OTUD1: variants seen among roughly 807,000 people sequenced by gnomAD.
OTUD1 encodes the protein OTU deubiquitinase 1, also known as OTU domain-containing protein 1.
OTUD1 carries 15 observed loss-of-function variants against 30.0 expected under a neutral mutation model. The ratio of observed to expected loss-of-function variants is 0.50; its 90% CI spans 0.33 to 0.77. OTUD1 has a LOEUF of 0.77. Ranked by LOEUF, OTUD1 falls within the 30% of genes least tolerant of loss-of-function variation. The probability of loss-of-function intolerance (pLI) is 0.02; values close to 1 mark genes in which losing one functional copy is unlikely to be tolerated. For synonymous variants in OTUD1, 381 were observed against 326.3 expected (o/e 1.17, Z -1.81); for missense variants, 796 against 697.8 (o/e 1.14, Z -1.59).
chr10:23,440,045 C>T lies in OTUD1; in HGVS notation c.588C>T (p.Ser196=), dbSNP rs1409176791. The T allele has an allele frequency of 6.9e-7, 1 of 1,452,294 alleles. No individual in the cohort carries two copies. The allele number at this position is 1,452,294 out of a possible 1,614,324, so 90.0% of individuals were successfully genotyped here. A position where few individuals can be genotyped will look rare whatever the true frequency, so the allele number is the denominator to read the frequency against. ...GGCCCGATCGGAACTTCCGACTGAGCGAGCACCGCCAGGCCCTGGCCGCCG... is the reference window on the plus strand; with the variant it reads ...GGCCCGATCGGAACTTCCGACTGAGTGAGCACCGCCAGGCCCTGGCCGCCG... The part of the protein sequence containing the change: ...REGPDRNFRL[S]EHRQALAAAK... The change falls in exon 1 of 1, where the codon AGC becomes AGT. Residue 196 remains serine (S), a synonymous_variant. Transcript: ENST00000376495.
rs1453770684 is a variant in OTUD1, at chr10:23,440,543, G to T, written c.1086G>T (p.Val362=). The T allele has an allele frequency of 2.6e-6, 4 of 1,551,716 alleles. No individual in the cohort carries two copies. Among genetic ancestry groups the T allele is most frequent in the Non-Finnish European group, 3.5e-6 (4 of 1,147,012 alleles). Residue 362 remains valine, a synonymous_variant, in exon 1 of 1, where the codon GTG becomes GTT. Transcript: ENST00000376495. Reference sequence around the variant, plus strand: ...TCAGCCCCCTGATTGAGGGCGACGTGGGGGAGTTTATCATCGCTGCTGCCC... The same window carrying T: ...TCAGCCCCCTGATTGAGGGCGACGTTGGGGAGTTTATCATCGCTGCTGCCC... ...DHFSPLIEGD[V]GEFIIAAAQD...
At position 23,441,063 on chromosome 10, in the gene OTUD1, T is replaced by C. The variant is rs1172689230; in HGVS notation, c.*160T>C. 1.3e-6 allele frequency: 1 copy of C among 779,514 alleles called. No individual in the cohort carries two copies. Among genetic ancestry groups the C allele is most frequent in the Admixed American group, 3.1e-5 (1 of 32,438 alleles). The allele number at this position is 779,514 out of a possible 1,614,324, so 48.3% of individuals were successfully genotyped here. A position where few individuals can be genotyped will look rare whatever the true frequency, so the allele number is the denominator to read the frequency against. The stretch of plus-strand genomic sequence containing the variant: ...ATCTTTTTGAATGTTTTCTCAGAGC[T>C]GGAGGTTGCTGGGCACCTAAATGAT... On this transcript the variant is annotated 3_prime_UTR_variant, in exon 1 of 1. Transcript: ENST00000376495.
rs376401131 is a variant in OTUD1, at chr10:23,440,943, A to T, written c.*40A>T. On this transcript the variant is annotated 3_prime_UTR_variant, in exon 1 of 1. Transcript: ENST00000376495. ...TTACACCCTGGGAATAATTGCATAT[A>T]TAACTTGTGTTTGGAGAATCACATG... is the stretch of plus-strand genomic sequence containing the variant. 2.0e-6 allele frequency: 3 copies of T among 1,510,884 alleles called. No individual in the cohort carries two copies. Among genetic ancestry groups the T allele is most frequent in the Non-Finnish European group, 8.9e-7 (1 of 1,126,606 alleles). The allele number at this position is 1,510,884 out of a possible 1,614,324, so 93.6% of individuals were successfully genotyped here.
At position 23,440,115 on chromosome 10, in the gene OTUD1, G is replaced by A; in HGVS notation, c.658G>A (p.Gly220Ser). 1 of 1,421,118 alleles carries A rather than the reference G, an allele frequency of 7.0e-7. No individual in the cohort carries two copies. The highest frequency in any genetic ancestry group is 1.5e-5 in the South Asian group (1 of 66,224). 88.0% of individuals were successfully genotyped at this position (1,421,118 alleles called of 1,614,324 possible). A position where few individuals can be genotyped will look rare whatever the true frequency, so the allele number is the denominator to read the frequency against. The change falls in exon 1 of 1, where the codon GGC becomes AGC. Residue 220 changes from glycine (G) to serine (S), a missense_variant. By Grantham distance (56) the Gly-to-Ser change is moderately conservative. Coordinates refer to ENST00000376495, the MANE Select transcript of OTUD1 (RefSeq NM_001145373.3). The part of the protein sequence containing the change: ...PAATPGSPDP[G>S]PGPWGEEHLA... ...GGCGACCCCGGGGAGCCCCGATCCC[G>A]GCCCCGGTCCGTGGGGCGAAGAGCA...
Position 23,439,381 on chromosome 10 carries a change from C to T in OTUD1, c.-77C>T. 3.4e-6 allele frequency: 4 copies of T among 1,188,130 alleles called. No homozygotes were observed. In the South Asian group the frequency reaches 1.0e-4, roughly 30 times the overall value. The allele number at this position is 1,188,130 out of a possible 1,614,324, so 73.6% of individuals were successfully genotyped here. A position where few individuals can be genotyped will look rare whatever the true frequency, so the allele number is the denominator to read the frequency against. ...TGGGTCACCGCGCTCCGCCGGCCCCCTCCCCCGGGCCCGGAGGGTGTGTCC... is the reference window on the plus strand; with the variant it reads ...TGGGTCACCGCGCTCCGCCGGCCCCTTCCCCCGGGCCCGGAGGGTGTGTCC... On this transcript the variant is annotated 5_prime_UTR_variant, in exon 1 of 1. Coordinates refer to ENST00000376495, the MANE Select transcript of OTUD1 (RefSeq NM_001145373.3).
In OTUD1 at chr10:23,440,747, A is replaced by G. The variant is rs1847118679; in HGVS notation, c.1290A>G (p.Gly430=). Residue 430 remains glycine, a synonymous_variant, in exon 1 of 1, where the codon GGA becomes GGG. Transcript: ENST00000376495. ...TTTGGCTCAGTTGGCTCAGTAACGG[A>G]CACTATGATGCTGTATTTGATCACT... ...PSIWLSWLSN[G]HYDAVFDHSY... 3 of 1,551,970 alleles carry G rather than the reference A, an allele frequency of 1.9e-6. No individual in the cohort carries two copies. Among genetic ancestry groups the G allele is most frequent in the South Asian group, 2.4e-5 (2 of 84,074 alleles).
In OTUD1 at chr10:23,439,474, G is replaced by C. The variant is rs1249911477; in HGVS notation, c.17G>C (p.Ser6Thr). The C allele has an allele frequency of 4.4e-6, 6 of 1,361,516 alleles. No homozygotes were observed. The highest frequency in any genetic ancestry group is 4.7e-6 in the Non-Finnish European group (5 of 1,058,262). 84.3% of individuals were successfully genotyped at this position (1,361,516 alleles called of 1,614,324 possible). A position where few individuals can be genotyped will look rare whatever the true frequency, so the allele number is the denominator to read the frequency against. ...GGCAGGGACATGCAGCTCTACAGCAGCGTCTGCACCCACTACCCCGCCGGG... is the reference window on the plus strand; with the variant it reads ...GGCAGGGACATGCAGCTCTACAGCACCGTCTGCACCCACTACCCCGCCGGG... MQLYS[S>T]VCTHYPAGAP... The change falls in exon 1 of 1, where the codon AGC (serine) becomes ACC (threonine). Residue 6 changes from serine to threonine, a missense_variant. Coordinates refer to ENST00000376495, the MANE Select transcript of OTUD1 (RefSeq NM_001145373.3).
rs1462554823 is a variant in OTUD1, at chr10:23,439,097, C to G, written c.-361C>G. ...GGCCTCCGCGCGCACCGCGCTCCTC[C>G]TCGCCGGCGGGACGCGCTCCAACGG... is the stretch of plus-strand genomic sequence containing the variant. On this transcript the variant is annotated 5_prime_UTR_variant, in exon 1 of 1. Coordinates refer to ENST00000376495, the MANE Select transcript of OTUD1 (RefSeq NM_001145373.3). Among the ~76,000 whole-genome samples, 1 of 150,660 alleles carries G rather than the reference C, an allele frequency of 6.6e-6. No homozygotes were observed. The highest frequency in any genetic ancestry group is 1.5e-5 in the Non-Finnish European group (1 of 67,440).
rs1437767578 is a variant in OTUD1 at position 23,442,307 on chromosome 10, C to T, written c.*1404C>T. On this transcript the variant is annotated 3_prime_UTR_variant, in exon 1 of 1. Transcript: ENST00000376495. ...AATAGAGAGGTTTCCTAAATTATCA[C>T]ATGAAGAGGATAGGCTAATCATGAG... 2 of 167,022 alleles carry T rather than the reference C, an allele frequency of 1.2e-5. No individual in the cohort carries two copies. Among genetic ancestry groups the T allele is most frequent in the East Asian group, 3.9e-4 (2 of 5,170 alleles). The allele number at this position is 167,022 out of a possible 1,614,324, so 10.3% of individuals were successfully genotyped here.
chr10:23,440,873 A>G lies in OTUD1; in HGVS notation c.1416A>G (p.Lys472=). The change falls in exon 1 of 1, where the codon AAA becomes AAG. Residue 472 remains lysine (K), a synonymous_variant. Transcript: ENST00000376495. ...AATCTATGGCCATATCCTTGTCTAA[A>G]ATGTATATTGAACAAAATGCATGCT... ...LAKSMAISLS[K]MYIEQNACS is the part of the protein sequence containing the mutation. 7.7e-6 allele frequency: 12 copies of G among 1,551,744 alleles called. No homozygotes were observed. Among genetic ancestry groups the G allele is most frequent in the Non-Finnish European group, 9.6e-6 (11 of 1,146,948 alleles).
Position 23,440,699 on chromosome 10 carries a change from A to G in OTUD1, c.1242A>G (p.Pro414=), listed in dbSNP as rs1459430373. The G allele has an allele frequency of 6.4e-7, 1 of 1,551,888 alleles. No individual in the cohort carries two copies. The change falls in exon 1 of 1, where the codon CCA becomes CCG. Residue 414 remains proline, a synonymous_variant. Transcript: ENST00000376495. ...CTACCATGATTCATTATTTGGGCCC[A>G]GAGGATTCCCTGAGGCCTAGTATTT... is the stretch of plus-strand genomic sequence containing the variant. ...TVSTMIHYLG[P]EDSLRPSIWL...
Position 23,439,673 on chromosome 10 carries a change from GC to G in OTUD1, c.219del (p.Ala74ProfsTer122). ...EAAAVPAAKMPAFSSCFEVVS... is the reference protein window; with the variant it reads ...EAAAVPAAKMXAFSSCFEVVS... Reference sequence around the variant, plus strand: ...CCGCCGCTGTCCCCGCCGCCAAGATGCCCGCCTTCTCCTCCTGCTTCGAGGT... The same window carrying G: ...CCGCCGCTGTCCCCGCCGCCAAGATGCCGCCTTCTCCTCCTGCTTCGAGGT... On this transcript the variant is annotated frameshift_variant, in exon 1 of 1. Coordinates refer to ENST00000376495, the MANE Select transcript of OTUD1 (RefSeq NM_001145373.3). LOFTEE classifies it high-confidence loss of function. 2 of 1,293,202 alleles carry G rather than the reference GC, an allele frequency of 1.5e-6. No homozygotes were observed. Among genetic ancestry groups the G allele is most frequent in the African/African-American group, 1.6e-5 (1 of 63,014 alleles). The allele number at this position is 1,293,202 out of a possible 1,614,324, so 80.1% of individuals were successfully genotyped here. A position where few individuals can be genotyped will look rare whatever the true frequency, so the allele number is the denominator to read the frequency against.
rs1394774815 is a variant in OTUD1 at position 23,440,339 on chromosome 10, G to C, written c.882G>C (p.Leu294=). Residue 294 remains leucine (L), a synonymous_variant, in exon 1 of 1, where the codon CTG becomes CTC. Coordinates refer to ENST00000376495, the MANE Select transcript of OTUD1 (RefSeq NM_001145373.3). ...DPRDEKLALY[L]AEVEKQDKYL... is the part of the protein sequence containing the mutation. ...GAGACGAGAAGCTGGCCCTATACCT[G>C]GCCGAGGTGGAGAAGCAGGACAAGT... 6.4e-6 allele frequency: 10 copies of C among 1,551,360 alleles called. No homozygotes were observed. The highest frequency in any genetic ancestry group is 8.7e-6 in the Non-Finnish European group (10 of 1,146,902).
chr10:23,439,634 C>T lies in OTUD1; in HGVS notation c.177C>T (p.Ala59=). ...ETGECQPAAA[A]EHREAAAVPA... ...GTGAGTGCCAGCCCGCCGCGGCCGCCGAGCACCGGGAAGCCGCCGCTGTCC... is the reference window on the plus strand; with the variant it reads ...GTGAGTGCCAGCCCGCCGCGGCCGCTGAGCACCGGGAAGCCGCCGCTGTCC... Residue 59 remains alanine (A), a synonymous_variant, in exon 1 of 1, where the codon GCC becomes GCT. Transcript: ENST00000376495. 1 of 1,296,922 alleles carries T rather than the reference C, an allele frequency of 7.7e-7. No individual in the cohort carries two copies. Among genetic ancestry groups the T allele is most frequent in the South Asian group, 1.9e-5 (1 of 52,460 alleles). 80.3% of individuals were successfully genotyped at this position (1,296,922 alleles called of 1,614,324 possible).
At position 23,439,382 on chromosome 10, in the gene OTUD1, T is replaced by A; in HGVS notation, c.-76T>A. On this transcript the variant is annotated 5_prime_UTR_variant, in exon 1 of 1. Coordinates refer to ENST00000376495, the MANE Select transcript of OTUD1 (RefSeq NM_001145373.3). ...GGGTCACCGCGCTCCGCCGGCCCCCTCCCCCGGGCCCGGAGGGTGTGTCCC... is the reference window on the plus strand; with the variant it reads ...GGGTCACCGCGCTCCGCCGGCCCCCACCCCCGGGCCCGGAGGGTGTGTCCC... 1 of 1,168,614 alleles carries A rather than the reference T, an allele frequency of 8.6e-7. No homozygotes were observed. Among genetic ancestry groups the A allele is most frequent in the Non-Finnish European group, 1.1e-6 (1 of 939,934 alleles). The allele number at this position is 1,168,614 out of a possible 1,614,324, so 72.4% of individuals were successfully genotyped here.
At position 23,441,486 on chromosome 10, in the gene OTUD1, G is replaced by A. The variant is rs1451291790; in HGVS notation, c.*583G>A. 2 of 166,590 alleles carry A rather than the reference G, an allele frequency of 1.2e-5. No homozygotes were observed. The highest frequency in any genetic ancestry group is 4.8e-5 in the African/African-American group (2 of 41,382). The allele number at this position is 166,590 out of a possible 1,614,324, so 10.3% of individuals were successfully genotyped here. A position where few individuals can be genotyped will look rare whatever the true frequency, so the allele number is the denominator to read the frequency against. On this transcript the variant is annotated 3_prime_UTR_variant, in exon 1 of 1. Coordinates refer to ENST00000376495, the MANE Select transcript of OTUD1 (RefSeq NM_001145373.3). ...TTTGATGAAACAGAGCTGTTGTTTT[G>A]GAAGTCATTATTTTTCTAGAAATGG...
Position 23,439,549 on chromosome 10 carries a change from C to A in OTUD1, c.92C>A (p.Pro31His), listed in dbSNP as rs1256569191. Residue 31 changes from proline (P) to histidine (H), a missense_variant, in exon 1 of 1, where the codon CCC becomes CAC. Transcript: ENST00000376495. The stretch of plus-strand genomic sequence containing the variant: ...CCCGCGCCACCCGCCGCCGCTACCC[C>A]CTTCAAGGTCTCGCTGCAGCCCCCG... Reference protein sequence around the residue: ...AAPAPPAAATPFKVSLQPPGA... With the variant: ...AAPAPPAAATHFKVSLQPPGA... 3 of 1,387,828 alleles carry A rather than the reference C, an allele frequency of 2.2e-6. No individual in the cohort carries two copies. Among genetic ancestry groups the A allele is most frequent in the East Asian group, 3.2e-5 (1 of 30,968 alleles). The allele number at this position is 1,387,828 out of a possible 1,614,324, so 86.0% of individuals were successfully genotyped here.
chr10:23,440,483 G>C lies in OTUD1; in HGVS notation c.1026G>C (p.Gln342His), dbSNP rs1847115857. 4 of 1,551,746 alleles carry C rather than the reference G, an allele frequency of 2.6e-6. No individual in the cohort carries two copies. The highest frequency in any genetic ancestry group is 3.5e-6 in the Non-Finnish European group (4 of 1,147,016). ...GCCTGCACCGGGAGTTGAGGGAGCAGACGGTGCACTACATCGCCGACCATC... is the reference window on the plus strand; with the variant it reads ...GCCTGCACCGGGAGTTGAGGGAGCACACGGTGCACTACATCGCCGACCATC... Reference protein sequence around the residue: ...DQSLHRELREQTVHYIADHLD... With the variant: ...DQSLHRELREHTVHYIADHLD... Residue 342 changes from glutamine (Q) to histidine (H), a missense_variant, in exon 1 of 1, where the codon CAG becomes CAC. Physicochemically the swap from Gln to His is conservative, Grantham distance 24. Coordinates refer to ENST00000376495, the MANE Select transcript of OTUD1 (RefSeq NM_001145373.3).
In OTUD1 at chr10:23,440,943, A is replaced by G. The variant is rs376401131; in HGVS notation, c.*40A>G. 27 of 1,510,766 alleles carry G rather than the reference A, an allele frequency of 1.8e-5. No homozygotes were observed. The highest frequency in any genetic ancestry group is 2.8e-5 in the African/African-American group (2 of 71,810). The allele number at this position is 1,510,766 out of a possible 1,614,324, so 93.6% of individuals were successfully genotyped here. A position where few individuals can be genotyped will look rare whatever the true frequency, so the allele number is the denominator to read the frequency against. On this transcript the variant is annotated 3_prime_UTR_variant, in exon 1 of 1. Transcript: ENST00000376495. ...TTACACCCTGGGAATAATTGCATAT[A>G]TAACTTGTGTTTGGAGAATCACATG...
Sources: allele counts gnomAD v4.1 joint callset (sites outside exome capture counted in the v4.1 genomes callset), GRCh38; gene constraint gnomAD v4.1.1; transcripts MANE v1.5; gene names NCBI Gene and HGNC (gene_info 2026-07-23, HGNC 2026-07-21).